The following NRCAM variants were observed in gnomAD, a reference collection of about 807,000 sequenced individuals.
The protein encoded by NRCAM is neuronal cell adhesion molecule.
In NRCAM, 83 loss-of-function variants were observed where a neutral mutation model predicts 156.5. The ratio of observed to expected loss-of-function variants is 0.53; its 90% CI spans 0.44 to 0.64. The LOEUF is 0.64. Among genes scored for constraint, NRCAM ranks in the 30% least tolerant of loss-of-function variants. The probability of loss-of-function intolerance (pLI) is 0.00; values close to 1 mark genes in which losing one functional copy is unlikely to be tolerated. For synonymous variants in NRCAM, 538 were observed against 563.9 expected (o/e 0.95, Z 0.65); for missense variants, 1,417 against 1,597.3 (o/e 0.89, Z 1.92).
At chr7:108,314,298 T>A (rs2154188125) in intron 2 of NRCAM, among the ~76,000 whole-genome samples, 1 of 152,340 alleles carries the variant, frequency 6.6e-6, no homozygotes, top group Non-Finnish European at 1.5e-5. Context: ...TTACTCTTGT[T>A]TTGACAAATG....
At chr7:108,291,775 CAACCTGACTAT>C (rs1786004666) in intron 3 of NRCAM, among the ~76,000 whole-genome samples, 1 of 152,098 alleles carries the variant, frequency 6.6e-6, no homozygotes, top group Admixed American at 6.6e-5. Context: ...AGAGGAGTTG[CAACCTGACTAT>C]AATCTTAAAC....
intron 1 of NRCAM, among the ~76,000 whole-genome samples, chr7:108,407,448 T>C (rs976100437): frequency 1.3e-5 from 2 of 152,212 alleles, no homozygotes; most frequent in Non-Finnish European, 2.9e-5. Flanking sequence ...TATGGAGCAT[T>C]ATTCAACTGT....
intron 3 of NRCAM, among the ~76,000 whole-genome samples, chr7:108,269,164 G>GA (rs563265399): frequency 5.7e-3 from 598 of 105,752 alleles, no homozygotes; most frequent in African/African-American, 9.6e-3. Flanking sequence ...TGCTGTATTT[G>GA]AAAAAAAAAA....
At chr7:108,398,133 G>A (rs1272247785) in intron 2 of NRCAM, among the ~76,000 whole-genome samples, 1 of 152,188 alleles carries the variant, frequency 6.6e-6, no homozygotes, top group Non-Finnish European at 1.5e-5. Context: ...ACTTCCAGCT[G>A]TCTGATGGAT....
At chr7:108,430,556 G>C (rs1204486820) in intron 1 of NRCAM, among the ~76,000 whole-genome samples, 2 of 152,124 alleles carry the variant, frequency 1.3e-5, no homozygotes, top group African/African-American at 4.8e-5. Context: ...AGTCCAGGCT[G>C]GGGAGAAGAG....
intron 3 of NRCAM, among the ~76,000 whole-genome samples, chr7:108,299,686 A>G (rs537423690): frequency 1.6e-4 from 25 of 152,316 alleles, no homozygotes; most frequent in African/African-American, 5.5e-4. Flanking sequence ...CAGCCGGGTA[A>G]TAACTTTGAC....
intron 3 of NRCAM, among the ~76,000 whole-genome samples, chr7:108,307,941 A>C (rs1292162392): frequency 2.6e-5 from 4 of 152,214 alleles, no homozygotes; most frequent in Non-Finnish European, 5.9e-5. Context: ...CTTTGTATAG[A>C]GTACCATGTG....
At chr7:108,338,507 C>T (rs375569351) in intron 2 of NRCAM, among the ~76,000 whole-genome samples, 1 of 152,076 alleles carries the variant, frequency 6.6e-6, no homozygotes, top group African/African-American at 2.4e-5. Flanking sequence ...TTCCCCACCA[C>T]CCTTGCCAGG....
chr7:108,393,909 A>G (rs980533874), intron 2 of NRCAM, among the ~76,000 whole-genome samples: 1 of 152,216 alleles, frequency 6.6e-6, no homozygotes, highest in Non-Finnish European at 1.5e-5. Flanking sequence ...CTCTGGAACC[A>G]GGCTCTGAGA....
chr7:108,240,225 G>A (rs1007582874), intron 3 of NRCAM, 55 bp from the exon 4 acceptor site: 2 of 534,918 alleles, frequency 3.7e-6, no homozygotes, highest in African/African-American at 3.8e-5. Context: ...AGAAGGAAAT[G>A]AAGAGCGGAA....
intron 3 of NRCAM, among the ~76,000 whole-genome samples, chr7:108,294,980 T>C (rs886806594): frequency 6.6e-6 from 1 of 152,154 alleles, no homozygotes; most frequent in Non-Finnish European, 1.5e-5. Flanking sequence ...GTTTTGTCTA[T>C]AGCAAAAAGG....
At position 108,207,517 on chromosome 7, in the gene NRCAM, A is replaced by C. The variant is rs1475938969; in HGVS notation, c.1207+11T>G. On this transcript the variant is annotated intron_variant, in intron 13 of 32. Transcript: ENST00000379028. The stretch of plus-strand genomic sequence containing the variant: ...AATATACTGCAATTAGAACCACTCA[A>C]GGCAACTTACTTTCTATTGGGACTC... 3.7e-6 allele frequency: 6 copies of C among 1,613,312 alleles called. No individual in the cohort carries two copies. Among genetic ancestry groups the C allele is most frequent in the Non-Finnish European group, 5.1e-6 (6 of 1,179,758 alleles).
intron 3 of NRCAM, among the ~76,000 whole-genome samples, chr7:108,268,881 T>G (rs1028304521): frequency 2.6e-5 from 4 of 152,258 alleles, no homozygotes; most frequent in African/African-American, 9.6e-5. Context: ...GCATGGCACT[T>G]TGTGCCGGGC....
At chr7:108,173,240 C>T (rs1219113124) in intron 28 of NRCAM, among the ~76,000 whole-genome samples, 1 of 152,136 alleles carries the variant, frequency 6.6e-6, no homozygotes, top group East Asian at 1.9e-4. Context: ...CCCGCCTCAG[C>T]CTCCCAAACT....
At chr7:108,151,479 G>A (rs408766) in intron 32 of NRCAM, among the ~76,000 whole-genome samples, 1 of 151,716 alleles carries the variant, frequency 6.6e-6, no homozygotes, top group African/African-American at 2.4e-5. Context: ...TGGCTCTTTT[G>A]ACAATAACTT....
chr7:108,263,563 C>T (rs1291429459), intron 3 of NRCAM, among the ~76,000 whole-genome samples: 1 of 152,240 alleles, frequency 6.6e-6, no homozygotes, highest in Non-Finnish European at 1.5e-5. Flanking sequence ...TGTGGCTCAG[C>T]CATGAGCCAG....
At chr7:108,269,064 G>A (rs946675513) in intron 3 of NRCAM, among the ~76,000 whole-genome samples, 1 of 151,998 alleles carries the variant, frequency 6.6e-6, no homozygotes, top group Non-Finnish European at 1.5e-5. Flanking sequence ...TGGGAAGTAT[G>A]GCTTTGGGCT....
At chr7:108,188,274 C>T (rs1175424401) in intron 20 of NRCAM, among the ~76,000 whole-genome samples, 4 of 152,102 alleles carry the variant, frequency 2.6e-5, no homozygotes, top group Non-Finnish European at 5.9e-5. Flanking sequence ...GGAGCATGGC[C>T]TCACGTGAAC....
intron 14 of NRCAM, 25 bp downstream of exon 14, chr7:108,197,931 T>A: frequency 6.6e-7 from 1 of 1,525,526 alleles, no homozygotes; most frequent in South Asian, 1.3e-5. Flanking sequence ...TAATTTGCCA[T>A]GTCTTTAATA....
Sources: gnomAD v4.1 joint callset for allele counts (sites outside exome capture counted in the v4.1 genomes callset) on GRCh38, gnomAD v4.1.1 for gene constraint, MANE v1.5 for transcripts, NCBI Gene and HGNC (gene_info 2026-07-23, HGNC 2026-07-21) for gene names.